Variants in KANK2 observed in about 807,000 individuals in gnomAD.
KANK2 encodes KN motif and ankyrin repeat domains 2, also known as KN motif and ankyrin repeat domain-containing protein 2.
Under a neutral mutation model 74.6 loss-of-function variants are expected in KANK2, and 41 were observed. The ratio of observed to expected loss-of-function variants is 0.55; its 90% confidence interval spans 0.43 to 0.71. KANK2 has a LOEUF of 0.71. Ranked by LOEUF, KANK2 falls within the 30% of genes least tolerant of loss-of-function variation. The pLI, the probability that KANK2 is intolerant of heterozygous loss-of-function variation, is 0.00. For missense variants in KANK2, 1,148 were observed against 1,196.4 expected, an observed-to-expected ratio of 0.96 and a Z score of 0.60; for synonymous variants, 537 against 519.0, an observed-to-expected ratio of 1.03 and a Z score of -0.47.
rs1282494512 is a variant in KANK2, at chr19:11,166,057, A to G, written c.*501T>C. The G allele has an allele frequency of 1.3e-5, 2 of 155,526 alleles. No individual in the cohort carries two copies. Among genetic ancestry groups the G allele is most frequent in the African/African-American group, 2.4e-5 (1 of 41,472 alleles). 9.6% of individuals were successfully genotyped at this position (155,526 alleles called of 1,614,324 possible). A position where few individuals can be genotyped will look rare whatever the true frequency, so the allele number is the denominator to read the frequency against. On this transcript the variant is annotated 3_prime_UTR_variant, in exon 13 of 13. Transcript: ENST00000586659. ...GACACAACACTATTCTATATCAGAC[A>G]ATTAAATGTGGGGGATGAAGGGTGA...
intron 12 of KANK2, among the ~76,000 whole-genome samples, chr19:11,167,930 A>T (rs1355694077): frequency 6.6e-6 from 1 of 151,030 alleles, no homozygotes; most frequent in African/African-American, 2.4e-5. Flanking sequence ...TAACTTCTCC[A>T]GGTGTTGACT....
At chr19:11,166,650 T>C (rs1302318822) in intron 12 of KANK2, 39 bp from the exon 13 acceptor site, 1 of 1,603,204 alleles carries the variant, frequency 6.2e-7, no homozygotes. Flanking sequence ...TTTGGGATCC[T>C]TTCCAATCCC....
intron 4 of KANK2, among the ~76,000 whole-genome samples, chr19:11,183,762 T>G (rs1214228416): frequency 6.6e-6 from 1 of 151,564 alleles, no homozygotes; most frequent in Non-Finnish European, 1.5e-5. Flanking sequence ...GTGATTCTCC[T>G]GCCTCAGCCT....
chr19:11,196,439 G>C (rs930897971), intron 1 of KANK2: 1 of 152,210 alleles, frequency 6.6e-6, no homozygotes, highest in African/African-American at 2.4e-5. Context: ...GGATGCAGAG[G>C]GTACAGAAAG....
chr19:11,186,504 C>T (rs904698442), intron 4 of KANK2, among the ~76,000 whole-genome samples: 1 of 152,014 alleles, frequency 6.6e-6, no homozygotes, highest in East Asian at 1.9e-4. Flanking sequence ...TGGAGACGAG[C>T]CTGACCAACA....
intron 10 of KANK2, among the ~76,000 whole-genome samples, chr19:11,172,590 C>A (rs991948113): frequency 2.0e-5 from 3 of 152,166 alleles, no homozygotes; most frequent in East Asian, 3.9e-4. Context: ...TGCCTAAATT[C>A]CCCTGGCGGT....
intron 3 of KANK2, 94 bp from the exon 4 acceptor site, chr19:11,194,136 C>T (rs908556226): frequency 2.8e-5 from 39 of 1,377,492 alleles, no homozygotes; most frequent in East Asian, 1.7e-4. Flanking sequence ...GTTTATTTGC[C>T]GAAGAGATGG....
Position 11,174,727 on chromosome 19 carries a change from C to A in KANK2, c.1849-35G>T, listed in dbSNP as rs184236747. ...AGTCAGGTGGGAGAGGATGTGAGGG[C>A]GGGGGAGGCCCACTGGGACACCCCC... On this transcript the variant is annotated intron_variant, in intron 8 of 12. Coordinates refer to ENST00000586659, the MANE Select transcript of KANK2 (RefSeq NM_001136191.3). 58 of 1,517,734 alleles carry A rather than the reference C, an allele frequency of 3.8e-5. No homozygotes were observed. In the East Asian group the frequency reaches 1.4e-3, roughly 35 times the overall value. The allele number at this position is 1,517,734 out of a possible 1,614,324, so 94.0% of individuals were successfully genotyped here. A position where few individuals can be genotyped will look rare whatever the true frequency, so the allele number is the denominator to read the frequency against.
chr19:11,189,906 G>A (rs12976821), intron 4 of KANK2, among the ~76,000 whole-genome samples: 10,979 of 152,174 alleles, frequency 0.072, 472 homozygotes, highest in Admixed American at 0.095. Flanking sequence ...CAGAACCTCA[G>A]GACCTGGTGT....
intron 4 of KANK2, among the ~76,000 whole-genome samples, chr19:11,191,126 C>T (rs1056114761): frequency 4.6e-5 from 7 of 151,740 alleles, no homozygotes; most frequent in African/African-American, 1.5e-4. Flanking sequence ...CTGCAACCTC[C>T]GCCTCCCGGG....
At chr19:11,183,292 C>T (rs887836751) in intron 4 of KANK2, among the ~76,000 whole-genome samples, 3 of 152,184 alleles carry the variant, frequency 2.0e-5, no homozygotes, top group Non-Finnish European at 4.4e-5. Flanking sequence ...TTCCCCAAGC[C>T]AGTGGGAGAC....
chr19:11,182,561 A>AAAAAAC (rs766300556), intron 4 of KANK2, among the ~76,000 whole-genome samples: 56 of 143,634 alleles, frequency 3.9e-4, no homozygotes, highest in African/African-American at 5.1e-4. Context: ...CAAAACAAAA[A>AAAAAAC]AGCCAGGCGC....
Position 11,173,030 on chromosome 19 carries a change from G to A in KANK2, c.2162C>T (p.Thr721Ile), listed in dbSNP as rs1394719963. 6.2e-7 allele frequency: 1 copy of A among 1,614,038 alleles called. No homozygotes were observed. The highest frequency in any genetic ancestry group is 1.1e-5 in the South Asian group (1 of 91,086). ...GCCAAGCCGGAAGAGCTGAAGGACA[G>A]TCTCGATGTCGTCCTGGGTCTTCAG... Reference protein sequence around the residue: ...ATLKTQDDIETVLQLFRLGNI... With the variant: ...ATLKTQDDIEIVLQLFRLGNI... The change falls in exon 10 of 13, where the codon ACT becomes ATT. Residue 721 changes from threonine to isoleucine, a missense_variant. Coordinates refer to ENST00000586659, the MANE Select transcript of KANK2 (RefSeq NM_001136191.3).
intron 4 of KANK2, among the ~76,000 whole-genome samples, chr19:11,181,285 C>T (rs1009001279): frequency 1.3e-5 from 2 of 151,206 alleles, no homozygotes; most frequent in Admixed American, 6.6e-5. Context: ...CTTTCTCCAT[C>T]GTCCAGGCTG....
At chr19:11,171,157 G>T (rs2078163205) in intron 10 of KANK2, among the ~76,000 whole-genome samples, 1 of 152,318 alleles carries the variant, frequency 6.6e-6, no homozygotes, top group South Asian at 2.1e-4. Context: ...GGCACTTTGG[G>T]AGGCCGAGGT....
At chr19:11,173,202 G>A (rs868612770) in intron 9 of KANK2, 79 bp from the exon 10 acceptor site, 39 of 1,477,540 alleles carry the variant, frequency 2.6e-5, no homozygotes, top group Middle Eastern at 1.8e-4. Context: ...ACCACGTCTC[G>A]TCCATCAGTC....
At position 11,168,466 on chromosome 19, in the gene KANK2, A is replaced by G. The variant is rs142478474; in HGVS notation, c.2502+1411T>C. 3.3e-3 allele frequency among the ~76,000 whole-genome samples: 506 copies of G among 151,964 alleles called. 4 individuals carry two copies. Among genetic ancestry groups the G allele is most frequent in the African/African-American group, 0.012 (484 of 41,438 alleles). On this transcript the variant is annotated intron_variant, in intron 12 of 12. Coordinates refer to ENST00000586659, the MANE Select transcript of KANK2 (RefSeq NM_001136191.3). ...ATGCACCTGTATTTTTGGGGGAGAC[A>G]GGATCTCCCTATGTTGCCCAGGCTG...
Position 11,193,250 on chromosome 19 carries a change from C to T in KANK2, c.830G>A (p.Gly277Asp). Residue 277 changes from glycine to aspartate, a missense_variant, in exon 4 of 13, where the codon GGC becomes GAC. By Grantham distance (94) the Gly-to-Asp change is moderately conservative (BLOSUM62 -1). Transcript: ENST00000586659. This position sits in a 1 kb window ranked among gnomAD's most constrained non-coding sequence, Gnocchi z 9.6. ...GAGGGCAGCCTCCCCATCAGGCATGCCCAAGTCCCGTTCTCGAACCCAGGT... is the reference window on the plus strand; with the variant it reads ...GAGGGCAGCCTCCCCATCAGGCATGTCCAAGTCCCGTTCTCGAACCCAGGT... Reference protein sequence around the residue: ...VGTWVRERDLGMPDGEAALAA... With the variant: ...VGTWVRERDLDMPDGEAALAA... 6.2e-7 allele frequency: 1 copy of T among 1,610,316 alleles called. No homozygotes were observed. Among genetic ancestry groups the T allele is most frequent in the Non-Finnish European group, 8.5e-7 (1 of 1,179,770 alleles).
chr19:11,176,662 C>G lies in KANK2; in HGVS notation c.1676G>C (p.Arg559Pro). ...PAGTAAAKTS[R>P]QECQLSRESQ... Reference sequence around the variant, plus strand: ...TTCTCGAGACAGCTGACACTCCTGCCGGCTGGTCTTGGCCGCTGCCGTCCC... The same window carrying G: ...TTCTCGAGACAGCTGACACTCCTGCGGGCTGGTCTTGGCCGCTGCCGTCCC... The change falls in exon 7 of 13, where the codon CGG becomes CCG. Residue 559 changes from arginine (R) to proline (P), a missense_variant. Transcript: ENST00000586659. 6.2e-7 allele frequency: 1 copy of G among 1,613,672 alleles called. No homozygotes were observed. Among genetic ancestry groups the G allele is most frequent in the Non-Finnish European group, 8.5e-7 (1 of 1,179,870 alleles).
Sources: gnomAD v4.1 joint callset for allele counts (sites outside exome capture counted in the v4.1 genomes callset) on GRCh38, gnomAD v4.1.1 for gene constraint, Gnocchi (gnomAD v3.1) non-coding constraint, MANE v1.5 for transcripts, NCBI Gene and HGNC (gene_info 2026-07-23, HGNC 2026-07-21) for gene names.